Variants in SYNRG observed in about 807,000 individuals in gnomAD.
SYNRG encodes the protein synergin gamma.
Under a neutral mutation model 130.9 loss-of-function variants are expected in SYNRG, and 37 were observed. The observed-to-expected ratio is 0.28, with a 90% confidence interval of 0.22 to 0.37. The LOEUF is 0.37. Ranked by LOEUF, SYNRG falls within the 10% of genes least tolerant of loss-of-function variation. The pLI, the probability that SYNRG is intolerant of heterozygous loss-of-function variation, is 1.00. For missense variants in SYNRG, 1,338 were observed against 1,588.9 expected (o/e 0.84, Z 2.68); for synonymous variants, 539 against 568.1 (o/e 0.95, Z 0.73).
intron 1 of SYNRG, among the ~76,000 whole-genome samples, chr17:37,603,559 T>G (rs1482044293): frequency 6.6e-6 from 1 of 152,220 alleles, no homozygotes; most frequent in East Asian, 1.9e-4. Flanking sequence ...GGATGCCGCT[T>G]TAGCAGACAT....
Position 37,602,100 on chromosome 17 carries a change from C to T in SYNRG, c.78-1697G>A, listed in dbSNP as rs2063338713. ...TCTGTAATCCCAGCACTTTGGGAGG[C>T]CAAGGTAGGTGGATCACCTGAGGTT... On this transcript the variant is annotated intron_variant, in intron 1 of 21. Transcript: ENST00000612223. Among the ~76,000 whole-genome samples the T allele has an allele frequency of 2.6e-5, 4 of 152,170 alleles. No individual in the cohort carries two copies. In the South Asian group the frequency reaches 6.2e-4, roughly 24 times the overall value.
chr17:37,566,135 G>A (rs2059971228), intron 11 of SYNRG, among the ~76,000 whole-genome samples: 1 of 152,264 alleles, frequency 6.6e-6, no homozygotes, highest in Non-Finnish European at 1.5e-5. Flanking sequence ...TGGGAAGTGT[G>A]CCCAACCGCT....
At chr17:37,578,932 A>G (rs1410566868) in intron 6 of SYNRG, among the ~76,000 whole-genome samples, 1 of 152,192 alleles carries the variant, frequency 6.6e-6, no homozygotes, top group Non-Finnish European at 1.5e-5. Context: ...TGAGGAGCAA[A>G]AGTTTTAAAT....
At chr17:37,548,753 G>A (rs1004172183) in intron 14 of SYNRG, among the ~76,000 whole-genome samples, 1 of 151,536 alleles carries the variant, frequency 6.6e-6, no homozygotes, top group African/African-American at 2.4e-5. Flanking sequence ...CAGAGGCAGA[G>A]GTTGCAGTGA....
chr17:37,609,318 C>A lies in SYNRG; in HGVS notation c.38G>T (p.Gly13Val), dbSNP rs2064187284. The A allele has an allele frequency of 6.8e-7, 1 of 1,468,436 alleles. No homozygotes were observed. The highest frequency in any genetic ancestry group is 1.3e-5 in the South Asian group (1 of 76,770). The allele number at this position is 1,468,436 out of a possible 1,614,324, so 91.0% of individuals were successfully genotyped here. Residue 13 changes from glycine to valine, a missense_variant, in exon 1 of 22, where the codon GGG becomes GTG. Gly to Val is a moderately radical substitution (Grantham distance 109). Coordinates refer to ENST00000612223, the MANE Select transcript of SYNRG (RefSeq NM_007247.6). ...GGACCCCGCGCCAGCTCCCGCGGCC[C>A]CGCCGCCACCAGAACCAGCTCCTGG... The part of the protein sequence containing the change: ...LRPGAGSGGG[G>V]AAGAGAGSAG...
At chr17:37,520,373 C>G (rs930006601) in intron 20 of SYNRG, among the ~76,000 whole-genome samples, 159 bp from the exon 21 acceptor site, 4 of 152,172 alleles carry the variant, frequency 2.6e-5, no homozygotes, top group Non-Finnish European at 5.9e-5. Context: ...ACAGCTCCCC[C>G]GCTGCCCTCT....
chr17:37,588,027 G>A (rs2061836323), intron 3 of SYNRG, among the ~76,000 whole-genome samples: 1 of 151,952 alleles, frequency 6.6e-6, no homozygotes, highest in South Asian at 2.1e-4. Flanking sequence ...CTTTTCTCAT[G>A]ATTAATCATC....
intron 13 of SYNRG, among the ~76,000 whole-genome samples, chr17:37,560,790 G>A (rs183768182): frequency 2.2e-4 from 33 of 150,504 alleles, no homozygotes; most frequent in Admixed American, 1.0e-3. Context: ...TCAGCCTCCC[G>A]AGTACCCGGG....
In SYNRG at chr17:37,518,905, G is replaced by GAAA. The variant is rs760362075; in HGVS notation, c.*32_*34dup. 2 of 1,465,790 alleles carry GAAA rather than the reference G, an allele frequency of 1.4e-6. No homozygotes were observed. The highest frequency in any genetic ancestry group is 1.9e-6 in the Non-Finnish European group (2 of 1,073,524). The allele number at this position is 1,465,790 out of a possible 1,614,324, so 90.8% of individuals were successfully genotyped here. ...CCCTGTCACCCCGTGGGGTGTCACAGAAAAAAAAAAGTCAATGCTTCACAG... is the reference window on the plus strand; with the variant it reads ...CCCTGTCACCCCGTGGGGTGTCACAGAAAAAAAAAAAAAGTCAATGCTTCACAG... On this transcript the variant is annotated 3_prime_UTR_variant, in exon 22 of 22. Transcript: ENST00000612223.
chr17:37,570,077 T>C (rs2060304382), intron 10 of SYNRG, among the ~76,000 whole-genome samples: 1 of 151,928 alleles, frequency 6.6e-6, no homozygotes, highest in Non-Finnish European at 1.5e-5. Context: ...CTAATTCGAG[T>C]TACTATTCTT....
At chr17:37,580,179 T>C (rs776467885) in intron 6 of SYNRG, among the ~76,000 whole-genome samples, 36 of 151,990 alleles carry the variant, frequency 2.4e-4, no homozygotes, top group Non-Finnish European at 5.1e-4. Context: ...AGAAATTCAG[T>C]AAGAAATAAT....
chr17:37,561,810 C>T (rs2059555172), intron 11 of SYNRG, among the ~76,000 whole-genome samples: 1 of 151,622 alleles, frequency 6.6e-6, no homozygotes, highest in Non-Finnish European at 1.5e-5. Flanking sequence ...CCCAAACAAT[C>T]ATTTTTTTCT....
chr17:37,571,352 C>T (rs2060420965), intron 9 of SYNRG, among the ~76,000 whole-genome samples: 1 of 152,132 alleles, frequency 6.6e-6, no homozygotes, highest in Non-Finnish European at 1.5e-5. Flanking sequence ...GAGGCCGAGA[C>T]AGGTGGATCA....
chr17:37,562,408 C>T (rs2059603434), intron 11 of SYNRG, among the ~76,000 whole-genome samples: 1 of 152,134 alleles, frequency 6.6e-6, no homozygotes, highest in Non-Finnish European at 1.5e-5. Context: ...TCTTCTTCTT[C>T]TTCTTCTCTT....
intron 16 of SYNRG, among the ~76,000 whole-genome samples, chr17:37,540,110 AAT>A (rs2057604600): frequency 6.6e-6 from 1 of 152,310 alleles, no homozygotes; most frequent in Admixed American, 6.5e-5. Flanking sequence ...GCTCAAGAAG[AAT>A]TATACAAACA....
chr17:37,535,454 T>C (rs1188800976), intron 19 of SYNRG, among the ~76,000 whole-genome samples: 2 of 152,192 alleles, frequency 1.3e-5, no homozygotes, highest in Non-Finnish European at 2.9e-5. Context: ...CATGCACCTG[T>C]GCAGACACAC....
chr17:37,554,175 A>C (rs140720486), intron 13 of SYNRG, 116 bp from the exon 14 acceptor site: 1 of 885,580 alleles, frequency 1.1e-6, no homozygotes, highest in African/African-American at 1.7e-5. Flanking sequence ...ACTTGACATT[A>C]CTTAATAATG....
chr17:37,598,781 C>G (rs1315056386), intron 2 of SYNRG, among the ~76,000 whole-genome samples: 1 of 152,222 alleles, frequency 6.6e-6, no homozygotes, highest in Non-Finnish European at 1.5e-5. Flanking sequence ...GGGGTCTCTT[C>G]TTGTCCAGTT....
At position 37,529,268 on chromosome 17, in the gene SYNRG, T is replaced by C. The variant is rs113586642; in HGVS notation, c.3666+6711A>G. Among the ~76,000 whole-genome samples the C allele has an allele frequency of 2.7e-3, 414 of 152,254 alleles. 1 individual carries two copies. Among genetic ancestry groups the C allele is most frequent in the African/African-American group, 9.6e-3 (398 of 41,544 alleles). ...CAGGTTAGATGGGCCCCAAACCCAA[T>C]AGGCTTTCTTCAAAATAACAAAATC... On this transcript the variant is annotated intron_variant, in intron 19 of 21. Transcript: ENST00000612223.
Sources: allele counts gnomAD v4.1 joint callset (sites outside exome capture counted in the v4.1 genomes callset), GRCh38; gene constraint gnomAD v4.1.1; transcripts MANE v1.5; gene names NCBI Gene and HGNC (gene_info 2026-07-23, HGNC 2026-07-21).